Variants in LY86 observed in about 807,000 individuals in gnomAD.
LY86 encodes MD-1, RP105-associated.
In LY86, 20 loss-of-function variants were observed where a neutral mutation model predicts 17.3. The ratio of observed to expected loss-of-function variants is 1.15; its 90% confidence interval spans 0.81 to 1.68. The LOEUF is 1.68. Ranked by LOEUF, LY86 falls within the 40% of genes most tolerant of loss-of-function variation. The probability of loss-of-function intolerance (pLI) is 0.00; values close to 1 mark genes in which losing one functional copy is unlikely to be tolerated. For missense variants in LY86, 200 were observed against 191.9 expected (o/e 1.04, Z -0.25); for synonymous variants, 74 against 70.6 (o/e 1.05, Z -0.24).
rs1561788483 is a variant in LY86 at position 6,626,327 on chromosome 6, T to C, written c.258T>C (p.Ala86=). 15 of 1,614,030 alleles carry C rather than the reference T, an allele frequency of 9.3e-6. No homozygotes were observed. Among genetic ancestry groups the C allele is most frequent in the Non-Finnish European group, 1.2e-5 (14 of 1,179,972 alleles). ...TCAAAGAGCTTTTTCTTGACCTAGC[T>C]CTCATGTCTCAAGGCTCATCTGTTT... ...EDIKELFLDL[A]LMSQGSSVLN... Residue 86 remains alanine, a synonymous_variant, in exon 3 of 5, where the codon GCT becomes GCC. Transcript: ENST00000230568.
At chr6:6,592,127 A>C (rs985906398) in intron 1 of LY86, among the ~76,000 whole-genome samples, 26 of 152,306 alleles carry the variant, frequency 1.7e-4, no homozygotes, top group African/African-American at 6.0e-4. Context: ...AGAAACCACT[A>C]AGGCCTAAGT....
At chr6:6,648,153 G>T (rs1011870543) in intron 3 of LY86, among the ~76,000 whole-genome samples, 2 of 152,004 alleles carry the variant, frequency 1.3e-5, no homozygotes, top group African/African-American at 2.4e-5. Context: ...TCTCATTCGT[G>T]TTCTCTACCT....
At chr6:6,640,075 A>G (rs189753919) in intron 3 of LY86, among the ~76,000 whole-genome samples, 84 of 152,228 alleles carry the variant, frequency 5.5e-4, no homozygotes, top group African/African-American at 1.9e-3. Flanking sequence ...TTATTGGGCC[A>G]TTATTGTCAC....
intron 3 of LY86, among the ~76,000 whole-genome samples, chr6:6,634,807 T>G (rs1423616999): frequency 6.6e-6 from 1 of 152,204 alleles, no homozygotes; most frequent in African/African-American, 2.4e-5. Context: ...TTCAATGTGC[T>G]CCTTTCCACA....
chr6:6,627,112 T>C (rs1561788844), intron 3 of LY86, among the ~76,000 whole-genome samples: 1 of 152,102 alleles, frequency 6.6e-6, no homozygotes, highest in Admixed American at 6.5e-5. Flanking sequence ...GGCTCTATTC[T>C]CTGACTGTCC....
intron 3 of LY86, among the ~76,000 whole-genome samples, chr6:6,646,604 A>G (rs1221652375): frequency 6.6e-6 from 1 of 152,162 alleles, no homozygotes; most frequent in East Asian, 1.9e-4. Flanking sequence ...GCTTCCTCAT[A>G]TCCTGCCAGC....
At chr6:6,592,864 A>G (rs1760576225) in intron 1 of LY86, among the ~76,000 whole-genome samples, 1 of 152,212 alleles carries the variant, frequency 6.6e-6, no homozygotes, top group South Asian at 2.1e-4. Context: ...AGTCTATATA[A>G]TTTGTTAAAC....
intron 1 of LY86, among the ~76,000 whole-genome samples, chr6:6,601,625 C>G (rs1354585215): frequency 1.3e-5 from 2 of 151,788 alleles, no homozygotes; most frequent in Admixed American, 6.6e-5. Context: ...GAGGCTGAGG[C>G]AGGAGAATGG....
intron 3 of LY86, among the ~76,000 whole-genome samples, chr6:6,632,354 A>G (rs1164158352): frequency 1.3e-5 from 2 of 152,190 alleles, no homozygotes; most frequent in Non-Finnish European, 2.9e-5. Context: ...CAATTACTGC[A>G]TCTATCAAAT....
chr6:6,642,264 G>A (rs1270061076), intron 3 of LY86, among the ~76,000 whole-genome samples: 1 of 152,256 alleles, frequency 6.6e-6, no homozygotes, highest in Non-Finnish European at 1.5e-5. Flanking sequence ...CACATTCTGT[G>A]CAACTGTATG....
At chr6:6,606,891 G>A (rs1314724559) in intron 1 of LY86, among the ~76,000 whole-genome samples, 2 of 152,284 alleles carry the variant, frequency 1.3e-5, no homozygotes, top group Non-Finnish European at 2.9e-5. Flanking sequence ...ACGGCAGGCT[G>A]AAGGGCACCT....
At chr6:6,594,266 C>CA (rs1327490590) in intron 1 of LY86, among the ~76,000 whole-genome samples, 1 of 152,202 alleles carries the variant, frequency 6.6e-6, no homozygotes, top group Non-Finnish European at 1.5e-5. Context: ...GGCCAAACCC[C>CA]ACTCGGTGCC....
At chr6:6,649,090 A>G (rs1272645584) in intron 3 of LY86, among the ~76,000 whole-genome samples, 2 of 152,358 alleles carry the variant, frequency 1.3e-5, no homozygotes, top group East Asian at 3.9e-4. Flanking sequence ...AGGGCTGGGG[A>G]GGCCTCACAA....
intron 1 of LY86, among the ~76,000 whole-genome samples, chr6:6,612,215 T>C (rs531567677): frequency 1.2e-4 from 18 of 152,300 alleles, no homozygotes; most frequent in African/African-American, 4.3e-4. Flanking sequence ...ACCCTCACAG[T>C]TAAGTTCTTC....
intron 3 of LY86, among the ~76,000 whole-genome samples, chr6:6,641,666 G>T (rs1311402560): frequency 6.6e-6 from 1 of 152,340 alleles, no homozygotes; most frequent in South Asian, 2.1e-4. Context: ...CAAGAAACAG[G>T]TGCAAACGTA....
chr6:6,654,839 T>G lies in LY86; in HGVS notation c.*212T>G. The stretch of plus-strand genomic sequence containing the variant: ...TGAAGTCCCCGAATGTATCTGTTTC[T>G]AAGGAGCCTCTTGGCAGTCCTTAAG... On this transcript the variant is annotated 3_prime_UTR_variant, in exon 5 of 5. Coordinates refer to ENST00000230568, the MANE Select transcript of LY86 (RefSeq NM_004271.4). 1 of 554,934 alleles carries G rather than the reference T, an allele frequency of 1.8e-6. No homozygotes were observed. Among genetic ancestry groups the G allele is most frequent in the Non-Finnish European group, 3.2e-6 (1 of 313,370 alleles). 34.4% of individuals were successfully genotyped at this position (554,934 alleles called of 1,614,324 possible). A position where few individuals can be genotyped will look rare whatever the true frequency, so the allele number is the denominator to read the frequency against.
intron 1 of LY86, among the ~76,000 whole-genome samples, chr6:6,600,587 CAAAAAAAAA>C (rs59560744): frequency 7.2e-4 from 59 of 82,450 alleles, no homozygotes; most frequent in Admixed American, 1.0e-3. Flanking sequence ...GAGACTCCAT[CAAAAAAAAA>C]AAAAAAAAAA....
intron 3 of LY86, among the ~76,000 whole-genome samples, chr6:6,642,292 C>A (rs953405061): frequency 5.9e-5 from 9 of 152,222 alleles, no homozygotes. Flanking sequence ...CTGGAAGAAC[C>A]CCCTCTGAAA....
intron 3 of LY86, among the ~76,000 whole-genome samples, chr6:6,636,639 G>A (rs903699325): frequency 2.0e-5 from 3 of 152,198 alleles, no homozygotes; most frequent in Non-Finnish European, 2.9e-5. Context: ...TGAACAAGGC[G>A]AAGTTTCCCT....
Sources: gnomAD v4.1 joint callset for allele counts (sites outside exome capture counted in the v4.1 genomes callset) on GRCh38, gnomAD v4.1.1 for gene constraint, MANE v1.5 for transcripts, NCBI Gene and HGNC (gene_info 2026-07-23, HGNC 2026-07-21) for gene names.